The following GALNT2 variants were observed in gnomAD, a reference collection of about 807,000 sequenced individuals.
GALNT2 encodes polypeptide N-acetylgalactosaminyltransferase 2, also known as UDP-GalNAc:polypeptide N-acetylgalactosaminyltransferase 2.
GALNT2 carries 31 observed loss-of-function variants against 81.4 expected under a neutral mutation model. That is an observed-to-expected ratio of 0.38 (90% CI 0.29 to 0.51). The LOEUF (loss-of-function observed/expected upper bound fraction) is 0.51, where lower values mean the gene tolerates loss of function less well. Among genes scored for constraint, GALNT2 ranks in the 20% least tolerant of loss-of-function variants. GALNT2 has a pLI of 0.87. For missense variants in GALNT2, 629 were observed against 765.7 expected (o/e 0.82, Z 2.11); for synonymous variants, 303 against 287.4 (o/e 1.05, Z -0.55).
chr1:230,062,747 G>C (rs572348052), upstream of GALNT2, among the ~76,000 whole-genome samples: 32 of 152,168 alleles, frequency 2.1e-4, no homozygotes, highest in African/African-American at 7.2e-4. Flanking sequence ...CATTCTGCTT[G>C]TCCATTTATC....
intron 13 of GALNT2, 189 bp downstream of exon 13, chr1:230,263,194 T>C: frequency 5.1e-6 from 3 of 588,608 alleles, no homozygotes; most frequent in Non-Finnish European, 9.1e-6. Flanking sequence ...CCTGCTGCTG[T>C]CTCTGTCCTG....
At chr1:230,107,306 AT>A (rs1307590722) in intron 1 of GALNT2, among the ~76,000 whole-genome samples, 5 of 152,210 alleles carry the variant, frequency 3.3e-5, no homozygotes, top group African/African-American at 9.7e-5. Context: ...ACAGTGGCTC[AT>A]GCCTGTAATT....
At chr1:230,082,167 G>A (rs575937550) in intron 1 of GALNT2, among the ~76,000 whole-genome samples, 11 of 152,326 alleles carry the variant, frequency 7.2e-5, no homozygotes, top group East Asian at 3.9e-4. Context: ...TCTCTAGTCC[G>A]TGTCCCTCCT....
intron 1 of GALNT2, among the ~76,000 whole-genome samples, chr1:230,103,388 A>G (rs1414127896): frequency 1.3e-5 from 2 of 152,206 alleles, no homozygotes; most frequent in East Asian, 3.8e-4. Context: ...TTTTTTATTC[A>G]GCAATAATTA....
chr1:230,274,452 C>G lies in GALNT2; in HGVS notation c.1448C>G (p.Ala483Gly). Residue 483 changes from alanine (A) to glycine (G), a missense_variant, in exon 15 of 16, where the codon GCC becomes GGC. Coordinates refer to ENST00000366672, the MANE Select transcript of GALNT2 (RefSeq NM_004481.5). ...TCTGGTTTTGTGTTCCAGGAATGGGCCTTGACGAAGGAGAAGTCGGTGAAG... is the reference window on the plus strand; with the variant it reads ...TCTGGTTTTGTGTTCCAGGAATGGGGCTTGACGAAGGAGAAGTCGGTGAAG... ...CHNAGGNQEW[A>G]LTKEKSVKHM... The G allele has an allele frequency of 6.2e-7, 1 of 1,613,382 alleles. No homozygotes were observed. The highest frequency in any genetic ancestry group is 1.1e-5 in the South Asian group (1 of 90,852).
chr1:230,109,205 C>T (rs1220224161), intron 1 of GALNT2, among the ~76,000 whole-genome samples: 9 of 152,328 alleles, frequency 5.9e-5, no homozygotes, highest in African/African-American at 7.2e-5. Flanking sequence ...TGCGGACCCC[C>T]GTAGATGGGA....
chr1:230,155,943 G>C (rs1018343962), intron 1 of GALNT2, among the ~76,000 whole-genome samples: 1 of 152,114 alleles, frequency 6.6e-6, no homozygotes, highest in East Asian at 1.9e-4. Flanking sequence ...TATTGTGTCA[G>C]ATCAGGAAAA....
intron 1 of GALNT2, among the ~76,000 whole-genome samples, chr1:230,078,120 G>A (rs570573967): frequency 6.6e-6 from 1 of 152,312 alleles, no homozygotes; most frequent in South Asian, 2.1e-4. Flanking sequence ...ACCAATTACA[G>A]CCTTTCTTTT....
intron 1 of GALNT2, among the ~76,000 whole-genome samples, chr1:230,161,357 A>G (rs530306387): frequency 6.4e-4 from 97 of 152,326 alleles, no homozygotes; most frequent in African/African-American, 2.3e-3. Context: ...GGCATGTCCA[A>G]TGTGCAGGTG....
chr1:230,236,303 GT>G, intron 4 of GALNT2, 49 bp from the exon 5 acceptor site: 1 of 1,578,570 alleles, frequency 6.3e-7, no homozygotes, highest in Non-Finnish European at 8.7e-7. Context: ...CAGGCTAAAA[GT>G]TTATACCCCT....
At chr1:230,124,625 G>A (rs148712880) in intron 1 of GALNT2, among the ~76,000 whole-genome samples, 1 of 152,198 alleles carries the variant, frequency 6.6e-6, no homozygotes, top group Non-Finnish European at 1.5e-5. Flanking sequence ...AACCAAGGCA[G>A]TACATTTTCC....
chr1:230,245,918 G>T (rs1023465595), intron 7 of GALNT2, 145 bp from the exon 8 acceptor site: 5 of 664,382 alleles, frequency 7.5e-6, no homozygotes, highest in Non-Finnish European at 1.4e-5. Context: ...GGGTGGGGAG[G>T]CTGGGTTCTT....
At chr1:230,175,091 C>T (rs1030403609) in intron 1 of GALNT2, among the ~76,000 whole-genome samples, 3 of 152,156 alleles carry the variant, frequency 2.0e-5, no homozygotes, top group Non-Finnish European at 2.9e-5. Flanking sequence ...CCAAGGCCTT[C>T]GGTAGGGGTG....
chr1:230,234,877 A>T (rs1053278801), intron 3 of GALNT2, among the ~76,000 whole-genome samples: 12 of 152,216 alleles, frequency 7.9e-5, no homozygotes, highest in Admixed American at 4.6e-4. Context: ...CTAGTATATG[A>T]TACTTTAGCA....
chr1:230,182,662 T>G (rs1322808210), intron 2 of GALNT2, among the ~76,000 whole-genome samples: 1 of 152,224 alleles, frequency 6.6e-6, no homozygotes, highest in African/African-American at 2.4e-5. Context: ...GTGGCCTCTT[T>G]TGGTGAATGT....
At chr1:230,068,140 C>G (rs930271125) in intron 1 of GALNT2, among the ~76,000 whole-genome samples, 1 of 152,272 alleles carries the variant, frequency 6.6e-6, no homozygotes, top group African/African-American at 2.4e-5. Context: ...TCCCCACTCC[C>G]CGCTTCAGGG....
intron 1 of GALNT2, among the ~76,000 whole-genome samples, chr1:230,174,962 C>T (rs367928518): frequency 1.3e-5 from 2 of 152,208 alleles, no homozygotes; most frequent in Non-Finnish European, 2.9e-5. Flanking sequence ...CTGTTCTACG[C>T]GGGGCCTGTG....
chr1:230,114,295 C>T (rs1412442169), intron 1 of GALNT2, among the ~76,000 whole-genome samples: 8 of 152,116 alleles, frequency 5.3e-5, no homozygotes, highest in Non-Finnish European at 8.8e-5. Flanking sequence ...CAGTAGCTTC[C>T]GGCCATTCCT....
At chr1:230,116,476 C>T (rs1478920030) in intron 1 of GALNT2, among the ~76,000 whole-genome samples, 1 of 152,188 alleles carries the variant, frequency 6.6e-6, no homozygotes, top group Non-Finnish European at 1.5e-5. Context: ...GATCTACCTG[C>T]CTCGGCCTCC....
Sources: allele counts gnomAD v4.1 joint callset (sites outside exome capture counted in the v4.1 genomes callset), GRCh38; gene constraint gnomAD v4.1.1; transcripts MANE v1.5; gene names NCBI Gene and HGNC (gene_info 2026-07-23, HGNC 2026-07-21).